GPC6: variants seen among roughly 807,000 people sequenced by gnomAD.
The protein encoded by GPC6 is glypican-6.
GPC6 carries 14 observed loss-of-function variants against 55.2 expected under a neutral mutation model. The ratio of observed to expected loss-of-function variants is 0.25; its 90% CI spans 0.17 to 0.40. The LOEUF is 0.40. Among genes scored for constraint, GPC6 ranks in the 10% least tolerant of loss-of-function variants. GPC6 has a pLI of 1.00. For missense variants in GPC6, 641 were observed against 708.5 expected (o/e 0.90, Z 1.08); for synonymous variants, 278 against 259.6 (o/e 1.07, Z -0.68).
chr13:93,360,123 T>C (rs530845759), intron 1 of GPC6, among the ~76,000 whole-genome samples: 1 of 152,194 alleles, frequency 6.6e-6, no homozygotes, highest in African/African-American at 2.4e-5. Context: ...AGTTACTGCC[T>C]CCAATTTAAA....
At chr13:93,233,514 C>T (rs941038848) in intron 1 of GPC6, among the ~76,000 whole-genome samples, 5 of 152,002 alleles carry the variant, frequency 3.3e-5, no homozygotes, top group African/African-American at 1.2e-4. Context: ...GGGTAGAACC[C>T]CAGGGAATTT....
intron 4 of GPC6, among the ~76,000 whole-genome samples, chr13:94,057,058 G>GT (rs1884156994): frequency 1.3e-5 from 2 of 152,126 alleles, no homozygotes; most frequent in Non-Finnish European, 2.9e-5. Context: ...AGTTGTAAGG[G>GT]TTTTTTAAAA....
At chr13:93,446,389 G>A (rs1446058192) in intron 1 of GPC6, among the ~76,000 whole-genome samples, 1 of 149,640 alleles carries the variant, frequency 6.7e-6, no homozygotes, top group Non-Finnish European at 1.5e-5. Context: ...GGTAATTTGA[G>A]CACTCATTCA....
intron 4 of GPC6, among the ~76,000 whole-genome samples, chr13:94,061,374 T>G (rs17791660): frequency 0.18 from 26,874 of 152,188 alleles, 2,592 homozygotes; most frequent in South Asian, 0.3. Context: ...GAAAGCAGTT[T>G]TCTGCCATAT....
At chr13:94,372,751 T>A (rs556568258) in intron 6 of GPC6, among the ~76,000 whole-genome samples, 1 of 152,296 alleles carries the variant, frequency 6.6e-6, no homozygotes, top group South Asian at 2.1e-4. Context: ...AGGCTCCACC[T>A]CTGGGGGCAG....
intron 2 of GPC6, among the ~76,000 whole-genome samples, chr13:93,677,861 G>A (rs1375393766): frequency 2.0e-5 from 3 of 152,078 alleles, no homozygotes; most frequent in Non-Finnish European, 4.4e-5. Context: ...TGGCCCATGG[G>A]ATAAAATGGA....
At chr13:93,254,707 T>TA (rs554713234) in intron 1 of GPC6, among the ~76,000 whole-genome samples, 266 of 148,256 alleles carry the variant, frequency 1.8e-3, no homozygotes, top group East Asian at 0.017. Context: ...TGGAATTATA[T>TA]AAAAAAAAAA....
Position 94,229,964 on chromosome 13 carries a change from G to A in GPC6, c.878-56385G>A, listed in dbSNP as rs528745533. Among the ~76,000 whole-genome samples the A allele has an allele frequency of 3.9e-5, 6 of 152,254 alleles. No individual in the cohort carries two copies. In the South Asian group the frequency reaches 1.2e-3, roughly 32 times the overall value. Reference sequence around the variant, plus strand: ...GAAGATGCCCAAGTTACTATCAGTGGGAAATGAACAGGAAGCCAGGGATGG... The same window carrying A: ...GAAGATGCCCAAGTTACTATCAGTGAGAAATGAACAGGAAGCCAGGGATGG... On this transcript the variant is annotated intron_variant, in intron 4 of 8. Transcript: ENST00000377047.
intron 4 of GPC6, chr13:94,187,292 T>A (rs1446858237): frequency 6.6e-6 from 1 of 152,170 alleles, no homozygotes; most frequent in Non-Finnish European, 1.5e-5. Flanking sequence ...CCTCGAAATT[T>A]TATTTCCAAA....
intron 3 of GPC6, among the ~76,000 whole-genome samples, chr13:93,985,163 A>G (rs1880968721): frequency 6.6e-6 from 1 of 152,102 alleles, no homozygotes; most frequent in African/African-American, 2.4e-5. Flanking sequence ...GGCCAGGCGC[A>G]GGGGCTCACG....
chr13:94,403,343 G>A lies in GPC6; in HGVS notation c.*126G>A. The A allele has an allele frequency of 2.7e-6, 2 of 749,162 alleles. No individual in the cohort carries two copies. Among genetic ancestry groups the A allele is most frequent in the South Asian group, 1.5e-5 (1 of 67,740 alleles). The allele number at this position is 749,162 out of a possible 1,614,324, so 46.4% of individuals were successfully genotyped here. A position where few individuals can be genotyped will look rare whatever the true frequency, so the allele number is the denominator to read the frequency against. ...TACCGTTTTCTATGAGAAGAGAGCAGTAATGCAATCTGCCTCCCTTTTTGT... is the reference window on the plus strand; with the variant it reads ...TACCGTTTTCTATGAGAAGAGAGCAATAATGCAATCTGCCTCCCTTTTTGT... On this transcript the variant is annotated 3_prime_UTR_variant, in exon 9 of 9. Transcript: ENST00000377047.
chr13:93,681,749 T>A (rs1457382793), intron 2 of GPC6, among the ~76,000 whole-genome samples: 2 of 152,212 alleles, frequency 1.3e-5, no homozygotes, highest in Non-Finnish European at 2.9e-5. Flanking sequence ...AGCTGACTTA[T>A]TGGAAATTTC....
intron 4 of GPC6, among the ~76,000 whole-genome samples, chr13:94,099,549 C>T (rs975741012): frequency 3.9e-5 from 6 of 152,088 alleles, no homozygotes; most frequent in Non-Finnish European, 8.8e-5. Flanking sequence ...CTTCCTATTT[C>T]TTCTCATCTA....
chr13:93,499,044 G>A (rs1880416511), intron 1 of GPC6, among the ~76,000 whole-genome samples: 1 of 151,556 alleles, frequency 6.6e-6, no homozygotes, highest in Non-Finnish European at 1.5e-5. Flanking sequence ...AAATGTATTT[G>A]AGTAAGGAAA....
intron 3 of GPC6, among the ~76,000 whole-genome samples, chr13:93,978,300 T>G (rs991805717): frequency 6.6e-6 from 1 of 152,130 alleles, no homozygotes; most frequent in African/African-American, 2.4e-5. Context: ...TATCTCCAGA[T>G]GAGATAGATA....
At chr13:94,150,110 A>G (rs1007881132) in intron 4 of GPC6, among the ~76,000 whole-genome samples, 1 of 152,106 alleles carries the variant, frequency 6.6e-6, no homozygotes, top group African/African-American at 2.4e-5. Context: ...CTCAGAGAAC[A>G]GTGCCATCTG....
intron 1 of GPC6, among the ~76,000 whole-genome samples, chr13:93,535,505 C>T (rs1356372384): frequency 6.6e-6 from 1 of 152,030 alleles, no homozygotes; most frequent in Non-Finnish European, 1.5e-5. Context: ...CATAGACAAT[C>T]CATGAATGAA....
At chr13:94,108,859 A>G (rs1251741584) in intron 4 of GPC6, among the ~76,000 whole-genome samples, 1 of 152,042 alleles carries the variant, frequency 6.6e-6, no homozygotes, top group Admixed American at 6.6e-5. Context: ...AAAAACAAAA[A>G]AAAAAAGTTT....
intron 1 of GPC6, among the ~76,000 whole-genome samples, chr13:93,235,331 A>G (rs1253131747): frequency 1.3e-5 from 2 of 152,142 alleles, no homozygotes. Context: ...TATTGAATAG[A>G]TAGGGTGGGA....
Sources: allele counts gnomAD v4.1 joint callset (sites outside exome capture counted in the v4.1 genomes callset), GRCh38; gene constraint gnomAD v4.1.1; transcripts MANE v1.5; gene names NCBI Gene and HGNC (gene_info 2026-07-23, HGNC 2026-07-21).